The following SMNDC1 variants were observed in gnomAD, a reference collection of about 807,000 sequenced individuals.
SMNDC1 encodes the protein survival of motor neuron-related-splicing factor 30.
In SMNDC1, 5 loss-of-function variants were observed where a neutral mutation model predicts 29.2. The observed-to-expected ratio is 0.17, with a 90% CI of 0.09 to 0.36. The LOEUF is 0.36. Among genes scored for constraint, SMNDC1 ranks in the 10% least tolerant of loss-of-function variants. The probability of loss-of-function intolerance (pLI) is 1.00; values close to 1 mark genes in which losing one functional copy is unlikely to be tolerated. For missense variants in SMNDC1, 142 were observed against 268.5 expected (o/e 0.53, Z 3.29); for synonymous variants, 80 against 89.9 (o/e 0.89, Z 0.62).
intron 4 of SMNDC1, among the ~76,000 whole-genome samples, chr10:110,296,348 A>G (rs1857562726): frequency 6.6e-6 from 1 of 152,220 alleles, no homozygotes; most frequent in Admixed American, 6.5e-5. Context: ...TATTACCACC[A>G]TGAAGCTATG....
intron 2 of SMNDC1, among the ~76,000 whole-genome samples, chr10:110,299,156 G>C (rs1424126095): frequency 6.6e-6 from 1 of 152,190 alleles, no homozygotes; most frequent in African/African-American, 2.4e-5. Flanking sequence ...TACTCTTATT[G>C]TAACATATTT....
chr10:110,294,718 A>C (rs1376533909), intron 5 of SMNDC1, among the ~76,000 whole-genome samples: 1 of 152,204 alleles, frequency 6.6e-6, no homozygotes, highest in Non-Finnish European at 1.5e-5. Context: ...TCTTTCCAGA[A>C]GCCATGTCCA....
chr10:110,303,790 T>A, intron 1 of SMNDC1: 2 of 507,606 alleles, frequency 3.9e-6, no homozygotes, highest in East Asian at 7.3e-5. Context: ...CTGAGGATTA[T>A]AAACTTGAGA....
Position 110,297,827 on chromosome 10 carries a change from T to G in SMNDC1, c.264-99A>C, listed in dbSNP as rs577141528. ...ATAAAATTATTACATGTGTCTATAA[T>G]GAAACTTCTATAATCAAATGGTTGT... is the stretch of plus-strand genomic sequence containing the variant. On this transcript the variant is annotated intron_variant, in intron 3 of 5. Coordinates refer to ENST00000369603, the MANE Select transcript of SMNDC1 (RefSeq NM_005871.4). 5.7e-5 allele frequency: 60 copies of G among 1,047,630 alleles called. No individual in the cohort carries two copies. The African/African-American group carries it at 7.7e-4, about 13-fold the overall frequency. 64.9% of individuals were successfully genotyped at this position (1,047,630 alleles called of 1,614,324 possible). A position where few individuals can be genotyped will look rare whatever the true frequency, so the allele number is the denominator to read the frequency against.
chr10:110,301,229 C>T (rs1385799809), intron 2 of SMNDC1, among the ~76,000 whole-genome samples: 2 of 148,002 alleles, frequency 1.4e-5, no homozygotes, highest in African/African-American at 4.9e-5. Context: ...AGATACATCC[C>T]AGAAGGCAGA....
intron 2 of SMNDC1, among the ~76,000 whole-genome samples, chr10:110,301,967 C>A (rs10749027): frequency 0.44 from 66,287 of 152,030 alleles, 17,567 homozygotes; most frequent in East Asian, 0.84. Context: ...CCACTCCCAA[C>A]TTCCCCAACC....
At position 110,293,989 on chromosome 10, in the gene SMNDC1, T is replaced by C. The variant is rs1590424932; in HGVS notation, c.*161A>G. 1 of 542,812 alleles carries C rather than the reference T, an allele frequency of 1.8e-6. No homozygotes were observed. Among genetic ancestry groups the C allele is most frequent in the East Asian group, 3.4e-5 (1 of 29,308 alleles). 33.6% of individuals were successfully genotyped at this position (542,812 alleles called of 1,614,324 possible). ...TGAGAAAAGTTAAATGAATAGCAGT[T>C]ATCAAATGCAATTTCTTCACGTTTC... is the stretch of plus-strand genomic sequence containing the variant. On this transcript the variant is annotated 3_prime_UTR_variant, in exon 6 of 6. Transcript: ENST00000369603.
At position 110,291,919 on chromosome 10, in the gene SMNDC1, G is replaced by A. The variant is rs1335332920; in HGVS notation, c.*2231C>T. 6.6e-6 allele frequency: 1 copy of A among 152,082 alleles called. No individual in the cohort carries two copies. The highest frequency in any genetic ancestry group is 1.5e-5 in the Non-Finnish European group (1 of 68,018). The allele number at this position is 152,082 out of a possible 1,614,324, so 9.4% of individuals were successfully genotyped here. On this transcript the variant is annotated 3_prime_UTR_variant, in exon 6 of 6. Transcript: ENST00000369603. ...GTTACATGCAACCATTTCTACTTAG[G>A]GGCCCATAACTCAATATTTAACATT...
chr10:110,299,339 T>C (rs1335988097), intron 2 of SMNDC1, among the ~76,000 whole-genome samples: 2 of 152,348 alleles, frequency 1.3e-5, no homozygotes, highest in East Asian at 3.9e-4. Flanking sequence ...TCAATTATTG[T>C]AAAACTCACC....
At chr10:110,295,198 A>G (rs1254986555) in intron 5 of SMNDC1, 30 bp downstream of exon 5, 2 of 1,556,068 alleles carry the variant, frequency 1.3e-6, no homozygotes, top group African/African-American at 2.8e-5. Context: ...GCATTTCTCA[A>G]ATTTACAAAG....
At chr10:110,296,360 C>G (rs1382386822) in intron 4 of SMNDC1, among the ~76,000 whole-genome samples, 2 of 152,218 alleles carry the variant, frequency 1.3e-5, no homozygotes, top group East Asian at 3.9e-4. Flanking sequence ...GAAGCTATGG[C>G]TTTTTACACA....
chr10:110,296,221 A>G (rs1452476235), intron 4 of SMNDC1, among the ~76,000 whole-genome samples: 1 of 152,192 alleles, frequency 6.6e-6, no homozygotes, highest in Non-Finnish European at 1.5e-5. Context: ...ATAAGATTCT[A>G]AATAGGATCA....
rs539424793 is a variant in SMNDC1, at chr10:110,296,868, T to G, written c.425+699A>C. Among the ~76,000 whole-genome samples, 4 of 152,306 alleles carry G rather than the reference T, an allele frequency of 2.6e-5. No homozygotes were observed. In the South Asian group the frequency reaches 8.3e-4, roughly 32 times the overall value. On this transcript the variant is annotated intron_variant, in intron 4 of 5. Transcript: ENST00000369603. The stretch of plus-strand genomic sequence containing the variant: ...CTCACCTCCCCCCTTTAAAAAAAAT[T>G]TACTAAGCTCTTACTACATGTAAAG...
At chr10:110,303,745 C>G (rs908470046) in intron 1 of SMNDC1, 158 bp from the exon 2 acceptor site, 3 of 604,618 alleles carry the variant, frequency 5.0e-6, no homozygotes, top group Non-Finnish European at 8.1e-6. Context: ...TCAGTTTAGA[C>G]TTCAGCTAAA....
chr10:110,296,802 G>A (rs1857567839), intron 4 of SMNDC1, among the ~76,000 whole-genome samples: 1 of 151,986 alleles, frequency 6.6e-6, no homozygotes, highest in African/African-American at 2.4e-5. Context: ...CCACCTTCCA[G>A]GCCCCAAGTT....
chr10:110,296,854 C>G (rs148439646), intron 4 of SMNDC1, among the ~76,000 whole-genome samples: 292 of 152,258 alleles, frequency 1.9e-3, no homozygotes, highest in African/African-American at 6.5e-3. Context: ...TCACCTCCCC[C>G]CTTTAAAAAA....
In SMNDC1 at chr10:110,298,781, C is replaced by G. The variant is rs1857605396; in HGVS notation, c.130G>C (p.Glu44Gln). Reference protein sequence around the residue: ...KLKKDLQEVIELTKDLLSTQP... With the variant: ...KLKKDLQEVIQLTKDLLSTQP... ...GTTGACAGAAGGTCTTTGGTTAGTT[C>G]TATAACTTCCTAAAAAAGAAAAACA... The change falls in exon 3 of 6, where the codon GAA becomes CAA. Residue 44 changes from glutamate (E) to glutamine (Q), a missense_variant. Transcript: ENST00000369603. The G allele has an allele frequency of 6.3e-7, 1 of 1,594,252 alleles. No individual in the cohort carries two copies. The highest frequency in any genetic ancestry group is 8.5e-7 in the Non-Finnish European group (1 of 1,174,396).
chr10:110,303,598 T>A lies in SMNDC1; in HGVS notation c.1-11A>T. 6.3e-7 allele frequency: 1 copy of A among 1,575,278 alleles called. No homozygotes were observed. Among genetic ancestry groups the A allele is most frequent in the Non-Finnish European group, 8.6e-7 (1 of 1,167,116 alleles). ...TAAATCCTCTGACATCTAGGGAAAA[T>A]AAAAAGGGTTAGACCATGAAAACTA... On this transcript the variant is annotated splice_polypyrimidine_tract_variant and intron_variant, in intron 1 of 5. Coordinates refer to ENST00000369603, the MANE Select transcript of SMNDC1 (RefSeq NM_005871.4).
chr10:110,297,543 A>C (rs1380092029), intron 4 of SMNDC1, 24 bp downstream of exon 4: 1 of 1,607,004 alleles, frequency 6.2e-7, no homozygotes, highest in Non-Finnish European at 8.5e-7. Flanking sequence ...TTGCACCTAA[A>C]ATGGAAAAGT....
Sources: allele counts gnomAD v4.1 joint callset (sites outside exome capture counted in the v4.1 genomes callset), GRCh38; gene constraint gnomAD v4.1.1; transcripts MANE v1.5; gene names NCBI Gene and HGNC (gene_info 2026-07-23, HGNC 2026-07-21).